The following KPNA1 variants were observed in gnomAD, a reference collection of about 807,000 sequenced individuals.
KPNA1 encodes the protein karyopherin subunit alpha 1.
In KPNA1, 10 loss-of-function variants were observed where a neutral mutation model predicts 70.5. The observed-to-expected ratio is 0.14, with a 90% CI of 0.09 to 0.24. The LOEUF (loss-of-function observed/expected upper bound fraction) is 0.24. Ranked by LOEUF, KPNA1 falls within the 10% of genes least tolerant of loss-of-function variation. KPNA1 has a pLI of 1.00. For synonymous variants in KPNA1, 192 were observed against 221.9 expected (o/e 0.87, Z 1.20); for missense variants, 397 against 637.9 (o/e 0.62, Z 4.07).
chr3:122,435,442 T>C (rs1447763653), intron 11 of KPNA1, among the ~76,000 whole-genome samples: 2 of 152,164 alleles, frequency 1.3e-5, no homozygotes, highest in East Asian at 3.8e-4. Context: ...CAAAAATTCA[T>C]GAAAATTTGA....
rs1278018384 is a variant in KPNA1, at chr3:122,496,474, T to C, written c.92A>G (p.Glu31Gly). ...TTTCTGCTTTCGTAACTGCAGTCCTTCTTCCTCCCTCCTCCTGCGCATCTC... is the reference window on the plus strand; with the variant it reads ...TTTCTGCTTTCGTAACTGCAGTCCTCCTTCCTCCCTCCTCCTGCGCATCTC... ...PDEMRRRREE[E>G]GLQLRKQKRE... The change falls in exon 2 of 14, where the codon GAA becomes GGA. Residue 31 changes from glutamate (E) to glycine (G), a missense_variant. Transcript: ENST00000344337. The C allele has an allele frequency of 1.2e-6, 2 of 1,613,972 alleles. No individual in the cohort carries two copies. The highest frequency in any genetic ancestry group is 1.7e-6 in the Non-Finnish European group (2 of 1,179,844).
Position 122,466,865 on chromosome 3 carries a change from G to A in KPNA1, c.237+457C>T, listed in dbSNP as rs570472335. 3.3e-3 allele frequency among the ~76,000 whole-genome samples: 496 copies of A among 152,100 alleles called. 3 individuals carry two copies. Among genetic ancestry groups the A allele is most frequent in the African/African-American group, 0.011 (476 of 41,480 alleles). On this transcript the variant is annotated intron_variant, in intron 3 of 13. Coordinates refer to ENST00000344337, the MANE Select transcript of KPNA1 (RefSeq NM_002264.4). ...AAAATTTAAAAATTTGCCAGTCATG[G>A]TGGCACATGCCTGTAGTCCCAGCTA...
chr3:122,500,464 CA>C lies in KPNA1; in HGVS notation c.-5-3895del, dbSNP rs891389649. ...TTCTTTATAACCTTACTAATTTTTACAAGGTCACTAGTAATGTCTCCTCTTT... is the reference window on the plus strand; with the variant it reads ...TTCTTTATAACCTTACTAATTTTTACAGGTCACTAGTAATGTCTCCTCTTT... On this transcript the variant is annotated intron_variant, in intron 1 of 13. Transcript: ENST00000344337. Among the ~76,000 whole-genome samples, 31 of 151,812 alleles carry C rather than the reference CA, an allele frequency of 2.0e-4. 1 individual carries two copies. The Middle Eastern group carries it at 0.01, about 50-fold the overall frequency.
rs564270597 is a variant in KPNA1 at position 122,439,153 on chromosome 3, T to A, written c.997-1858A>T. On this transcript the variant is annotated intron_variant, in intron 10 of 13. Transcript: ENST00000344337. ...GAAATGAAAAAATGCAGAGACAAGC[T>A]ATTACAAAGTACTGTAAGAACAGAC... 1.4e-4 allele frequency among the ~76,000 whole-genome samples: 22 copies of A among 152,244 alleles called. 1 individual carries two copies. The East Asian group carries it at 1.9e-3, about 13-fold the overall frequency.
Position 122,423,531 on chromosome 3 carries a change from T to G in KPNA1, c.*3454A>C, listed in dbSNP as rs967670845. The G allele has an allele frequency of 3.3e-5, 5 of 152,588 alleles. No individual in the cohort carries two copies. Among genetic ancestry groups the G allele is most frequent in the Non-Finnish European group, 7.4e-5 (5 of 68,020 alleles). 9.5% of individuals were successfully genotyped at this position (152,588 alleles called of 1,614,324 possible). On this transcript the variant is annotated 3_prime_UTR_variant, in exon 14 of 14. Transcript: ENST00000344337. Reference sequence around the variant, plus strand: ...TAAAAAGTTATAATGATTTGCCTATTGATATAAAAATTTTCACAAAACTAG... The same window carrying G: ...TAAAAAGTTATAATGATTTGCCTATGGATATAAAAATTTTCACAAAACTAG...
At chr3:122,510,501 C>T (rs1211548756) in intron 1 of KPNA1, among the ~76,000 whole-genome samples, 2 of 152,146 alleles carry the variant, frequency 1.3e-5, no homozygotes, top group African/African-American at 4.8e-5. Flanking sequence ...CAGTACTCTA[C>T]ATGGGTCAGC....
At chr3:122,508,370 T>G (rs1032891304) in intron 1 of KPNA1, among the ~76,000 whole-genome samples, 1 of 152,116 alleles carries the variant, frequency 6.6e-6, no homozygotes, top group Non-Finnish European at 1.5e-5. Flanking sequence ...CTATCCCTCC[T>G]TAAGGTAGTG....
intron 5 of KPNA1, among the ~76,000 whole-genome samples, 192 bp downstream of exon 5, chr3:122,461,032 A>G (rs919183721): frequency 6.6e-6 from 1 of 152,214 alleles, no homozygotes; most frequent in African/African-American, 2.4e-5. Context: ...AATTATAATA[A>G]TAATAAAGAG....
At chr3:122,452,988 C>T (rs2076228252) in intron 6 of KPNA1, among the ~76,000 whole-genome samples, 1 of 152,060 alleles carries the variant, frequency 6.6e-6, no homozygotes, top group Admixed American at 6.5e-5. Flanking sequence ...ACTCTGTTAC[C>T]GAGGCTGGAG....
rs574986366 is a variant in KPNA1 at position 122,489,591 on chromosome 3, G to A, written c.129+6846C>T. ...GGCAGAGTCTTTTTTTATCTTCCAT[G>A]TCTCTAACTTTTTGAACACATGGAA... is the stretch of plus-strand genomic sequence containing the variant. On this transcript the variant is annotated intron_variant, in intron 2 of 13. Coordinates refer to ENST00000344337, the MANE Select transcript of KPNA1 (RefSeq NM_002264.4). 2.0e-5 allele frequency among the ~76,000 whole-genome samples: 3 copies of A among 152,146 alleles called. No homozygotes were observed. The East Asian group carries it at 5.8e-4, about 29-fold the overall frequency.
intron 2 of KPNA1, among the ~76,000 whole-genome samples, chr3:122,479,267 T>C (rs143601575): frequency 1.8e-4 from 27 of 152,138 alleles, no homozygotes; most frequent in African/African-American, 5.5e-4. Context: ...TATGAAGAGG[T>C]AACCCATATT....
At chr3:122,456,688 T>TAA (rs139772375) in intron 5 of KPNA1, among the ~76,000 whole-genome samples, 23 of 151,818 alleles carry the variant, frequency 1.5e-4, no homozygotes, top group Middle Eastern at 6.8e-3. Flanking sequence ...ATACAGATGG[T>TAA]AAAAAAAAGA....
intron 5 of KPNA1, chr3:122,457,660 T>G: frequency 8.1e-7 from 1 of 1,228,110 alleles, no homozygotes; most frequent in African/African-American, 1.6e-5. Flanking sequence ...TTTCTTAGTC[T>G]CTACCTTCTG....
chr3:122,478,456 T>TAAAAA (rs2076530678), intron 2 of KPNA1, among the ~76,000 whole-genome samples: 1 of 151,966 alleles, frequency 6.6e-6, no homozygotes, highest in Non-Finnish European at 1.5e-5. Flanking sequence ...ACCCCATCTC[T>TAAAAA]ATTAATACAA....
chr3:122,499,350 G>A (rs1176364639), intron 1 of KPNA1, among the ~76,000 whole-genome samples: 1 of 152,170 alleles, frequency 6.6e-6, no homozygotes, highest in East Asian at 1.9e-4. Context: ...GGGCTGAGAA[G>A]TTCCCTCTTA....
chr3:122,505,947 T>C (rs2076885737), intron 1 of KPNA1, among the ~76,000 whole-genome samples: 1 of 152,322 alleles, frequency 6.6e-6, no homozygotes, highest in South Asian at 2.1e-4. Flanking sequence ...CTCAACACCC[T>C]TTTCACTGTA....
intron 8 of KPNA1, among the ~76,000 whole-genome samples, chr3:122,450,988 T>C (rs140955124): frequency 6.6e-6 from 1 of 152,248 alleles, no homozygotes; most frequent in African/African-American, 2.4e-5. Flanking sequence ...CTTTGGGGAC[T>C]CAGGGAGAAA....
intron 3 of KPNA1, among the ~76,000 whole-genome samples, chr3:122,464,673 C>T (rs1433690391): frequency 2.0e-5 from 3 of 152,214 alleles, no homozygotes; most frequent in African/African-American, 7.2e-5. Flanking sequence ...TTTATTAAAA[C>T]TTTCCAGTTT....
At chr3:122,501,063 C>G (rs1576346679) in intron 1 of KPNA1, among the ~76,000 whole-genome samples, 1 of 141,338 alleles carries the variant, frequency 7.1e-6, no homozygotes, top group South Asian at 2.2e-4. Flanking sequence ...GAGTCTCACT[C>G]TATTGCCCAA....
Sources: gnomAD v4.1 joint callset for allele counts (sites outside exome capture counted in the v4.1 genomes callset) on GRCh38, gnomAD v4.1.1 for gene constraint, MANE v1.5 for transcripts, NCBI Gene and HGNC (gene_info 2026-07-23, HGNC 2026-07-21) for gene names.